Variants in TTC21A observed in about 807,000 individuals in gnomAD.
TTC21A encodes the protein tetratricopeptide repeat domain 21A, also known as tetratricopeptide repeat protein 21A.
Under a neutral mutation model 156.4 loss-of-function variants are expected in TTC21A, and 128 were observed. The observed-to-expected ratio is 0.82, with a 90% confidence interval of 0.71 to 0.95. The LOEUF is 0.95. Ranked by LOEUF, TTC21A falls within the 40% of genes least tolerant of loss-of-function variation. TTC21A has a pLI of 0.00. For missense variants in TTC21A, 1,435 were observed against 1,602.3 expected, an observed-to-expected ratio of 0.90 and a Z score of 1.78; for synonymous variants, 587 against 617.1, an observed-to-expected ratio of 0.95 and a Z score of 0.72.
chr3:39,130,118 G>T lies in TTC21A; in HGVS notation c.2175G>T (p.Leu725=). 1 of 1,614,146 alleles carries T rather than the reference G, an allele frequency of 6.2e-7. No homozygotes were observed. Among genetic ancestry groups the T allele is most frequent in the Non-Finnish European group, 8.5e-7 (1 of 1,180,032 alleles). ...CEHLPGPHTS[L]LLGDALMSIL... Reference sequence around the variant, plus strand: ...ATCTGCCTGGCCCCCACACCAGCCTGCTACTGGGCGATGCCTTAATGAGCA... The same window carrying T: ...ATCTGCCTGGCCCCCACACCAGCCTTCTACTGGGCGATGCCTTAATGAGCA... Residue 725 remains leucine, a synonymous_variant, in exon 16 of 29, where the codon CTG becomes CTT. Transcript: ENST00000683103. This position sits in a 1 kb window ranked among gnomAD's most constrained non-coding sequence, Gnocchi z 4.5.
At chr3:39,120,626 C>G (rs1447322091) in intron 8 of TTC21A, among the ~76,000 whole-genome samples, 1 of 152,258 alleles carries the variant, frequency 6.6e-6, no homozygotes, top group Non-Finnish European at 1.5e-5. Flanking sequence ...TTCTCTCTGC[C>G]TTGTTCTCCA....
chr3:39,111,920 G>T (rs1022095711), intron 4 of TTC21A, among the ~76,000 whole-genome samples: 5 of 152,184 alleles, frequency 3.3e-5, no homozygotes, highest in Non-Finnish European at 5.9e-5. Context: ...TCTGCCTGGA[G>T]AGGCTGGGTG....
At chr3:39,114,844 A>G in intron 6 of TTC21A, 102 bp downstream of exon 6, 10 of 1,408,476 alleles carry the variant, frequency 7.1e-6, no homozygotes, top group Non-Finnish European at 9.8e-6. Flanking sequence ...AATATCGCCC[A>G]TAGAGGAACT....
rs79015599 is a variant in TTC21A at position 39,135,169 on chromosome 3, C to T, written c.2939C>T (p.Ala980Val). 9.3e-3 allele frequency: 15,066 copies of T among 1,613,898 alleles called. 95 individuals are homozygous for T. The highest frequency in any genetic ancestry group is 0.011 in the Non-Finnish European group (13,237 of 1,179,820). Reference sequence around the variant, plus strand: ...CTTTACCACCAAGTCTTGGAGAAAGCGCCAGGTAATTCTGCCCATGGAGAC... The same window carrying T: ...CTTTACCACCAAGTCTTGGAGAAAGTGCCAGGTAATTCTGCCCATGGAGAC... ...INLYHQVLEK[A>V]PDNFLVLHKL... is the part of the protein sequence containing the mutation. Residue 980 changes from alanine (A) to valine (V), a missense_variant, in exon 22 of 29, where the codon GCG becomes GTG. Transcript: ENST00000683103.
intron 19 of TTC21A, among the ~76,000 whole-genome samples, chr3:39,132,067 T>G (rs1358112669): frequency 6.6e-6 from 1 of 152,178 alleles, no homozygotes; most frequent in Non-Finnish European, 1.5e-5. Flanking sequence ...CTAGGCTATC[T>G]AGTGTAGCCT....
chr3:39,120,056 T>G, intron 8 of TTC21A, 36 bp downstream of exon 8: 1 of 1,437,856 alleles, frequency 7.0e-7, no homozygotes, highest in Non-Finnish European at 9.8e-7. Context: ...AAATGGTGCT[T>G]CTCCCTGCTT....
rs2038489795 is a variant in TTC21A, at chr3:39,128,901, T to G, written c.1865T>G (p.Leu622Arg). The change falls in exon 14 of 29, where the codon CTG becomes CGG. Residue 622 changes from leucine to arginine, a missense_variant. Physicochemically the swap from Leu to Arg is moderately radical, Grantham distance 102 (BLOSUM62 -2). Coordinates refer to ENST00000683103, the MANE Select transcript of TTC21A (RefSeq NM_001366900.1). ...PSQRASILLE[L>R]VEALRLNGEL... ...CAGCGGGCATCCATCTTATTGGAAC[T>G]GGTGGAGGCCCTCCGGCTGAATGGG... 1 of 1,614,080 alleles carries G rather than the reference T, an allele frequency of 6.2e-7. No homozygotes were observed. The highest frequency in any genetic ancestry group is 8.5e-7 in the Non-Finnish European group (1 of 1,180,038).
chr3:39,128,666 A>T (rs747641401), intron 13 of TTC21A, 51 bp from the exon 14 acceptor site: 1 of 1,591,496 alleles, frequency 6.3e-7, no homozygotes, highest in Non-Finnish European at 8.6e-7. Context: ...TGTGAGCAGC[A>T]GCAGTAGCAG....
rs1474266909 is a variant in TTC21A at position 39,137,227 on chromosome 3, G to A, written c.3290G>A (p.Gly1097Asp). ...YMEKKELEQQ[G>D]VSTAEKLLRE... ...GAGAAGAAGGAGTTGGAGCAGCAGG[G>A]TGTGAGCACCGCCGAGAAACTGCTG... The change falls in exon 25 of 29, where the codon GGT becomes GAT. Residue 1097 changes from glycine (G) to aspartate (D), a missense_variant. Coordinates refer to ENST00000683103, the MANE Select transcript of TTC21A (RefSeq NM_001366900.1). 2 of 1,614,062 alleles carry A rather than the reference G, an allele frequency of 1.2e-6. No individual in the cohort carries two copies. Among genetic ancestry groups the A allele is most frequent in the Non-Finnish European group, 8.5e-7 (1 of 1,179,966 alleles).
chr3:39,126,580 T>TACTAC lies in TTC21A; in HGVS notation c.1522+193_1522+197dup, dbSNP rs771076193. Among the ~76,000 whole-genome samples the TACTAC allele has an allele frequency of 5.4e-4, 75 of 137,772 alleles. 1 individual carries two copies. The highest frequency in any genetic ancestry group is 3.8e-3 in the Middle Eastern group (1 of 260). 90.4% of individuals were successfully genotyped at this position (137,772 alleles called of 152,430 possible). The stretch of plus-strand genomic sequence containing the variant: ...ACACATGCATGCTCCTTGCCTGGGG[T>TACTAC]ACTACACACACACACACACACATGC... On this transcript the variant is annotated intron_variant, in intron 12 of 28. Coordinates refer to ENST00000683103, the MANE Select transcript of TTC21A (RefSeq NM_001366900.1).
chr3:39,131,202 A>G, intron 19 of TTC21A, 107 bp downstream of exon 19: 2 of 825,402 alleles, frequency 2.4e-6, no homozygotes, highest in Non-Finnish European at 1.9e-6. Context: ...CCTCTTCCTT[A>G]AAAAAGGACC....
rs775685212 is a variant in TTC21A at position 39,110,984 on chromosome 3, C to T, written c.402C>T (p.Asp134=). Residue 134 remains aspartate, a synonymous_variant, in exon 4 of 29, where the codon GAC becomes GAT. Transcript: ENST00000683103. ...GRHDKAKEYI[D]RMLKISRGFR... is the part of the protein sequence containing the mutation. Reference sequence around the variant, plus strand: ...ATGACAAGGCCAAAGAGTACATTGACCGCATGCTGAAGATTTCTAGAGGCT... The same window carrying T: ...ATGACAAGGCCAAAGAGTACATTGATCGCATGCTGAAGATTTCTAGAGGCT... 6.2e-7 allele frequency: 1 copy of T among 1,612,690 alleles called. No homozygotes were observed. Among genetic ancestry groups the T allele is most frequent in the Admixed American group, 1.7e-5 (1 of 59,830 alleles).
chr3:39,133,969 C>G (rs1220747730), intron 20 of TTC21A, among the ~76,000 whole-genome samples: 3 of 152,148 alleles, frequency 2.0e-5, no homozygotes, highest in Non-Finnish European at 4.4e-5. Context: ...GCAGTGAGGC[C>G]AGAGGTGAAG....
chr3:39,130,054 A>G lies in TTC21A; in HGVS notation c.2136-25A>G. ...ATGAGGTGTGTGCGAACCTGGGATA[A>G]GCTTTTGGTTACTCTTGCTTGCAGT... is the stretch of plus-strand genomic sequence containing the variant. On this transcript the variant is annotated intron_variant, in intron 15 of 28. Transcript: ENST00000683103. The surrounding 1 kb of genome is among the most constrained non-coding windows in gnomAD (Gnocchi z 4.5). 1 of 1,613,388 alleles carries G rather than the reference A, an allele frequency of 6.2e-7. No individual in the cohort carries two copies. Among genetic ancestry groups the G allele is most frequent in the Non-Finnish European group, 8.5e-7 (1 of 1,179,680 alleles).
intron 19 of TTC21A, among the ~76,000 whole-genome samples, chr3:39,132,535 G>A (rs2038807147): frequency 6.6e-6 from 1 of 152,084 alleles, no homozygotes; most frequent in Admixed American, 6.5e-5. Flanking sequence ...CCTCTTTTTG[G>A]CCCTCGGGGA....
rs1042978162 is a variant in TTC21A at position 39,130,440 on chromosome 3, C to G, written c.2319+82C>G. ...GAGGACGGTACATGACTGGGGAGCT[C>G]TGGGTGGGAGGAGAGTGGCTGACTT... On this transcript the variant is annotated intron_variant, in intron 17 of 28. Transcript: ENST00000683103. The surrounding 1 kb of genome is among the most constrained non-coding windows in gnomAD (Gnocchi z 4.5). 4 of 1,211,730 alleles carry G rather than the reference C, an allele frequency of 3.3e-6. No individual in the cohort carries two copies. In the South Asian group the frequency reaches 4.3e-5, roughly 13 times the overall value. 75.1% of individuals were successfully genotyped at this position (1,211,730 alleles called of 1,614,324 possible). A position where few individuals can be genotyped will look rare whatever the true frequency, so the allele number is the denominator to read the frequency against.
At chr3:39,109,661 C>CA (rs1267689048) in intron 2 of TTC21A, among the ~76,000 whole-genome samples, 1 of 152,174 alleles carries the variant, frequency 6.6e-6, no homozygotes, top group Non-Finnish European at 1.5e-5. Flanking sequence ...CAGAATAGCC[C>CA]ATGGCCAAAT....
rs758644942 is a variant in TTC21A at position 39,128,807 on chromosome 3, G to A, written c.1771G>A (p.Val591Ile). 13 of 1,614,044 alleles carry A rather than the reference G, an allele frequency of 8.1e-6. No individual in the cohort carries two copies. Among genetic ancestry groups the A allele is most frequent in the Non-Finnish European group, 9.3e-6 (11 of 1,180,038 alleles). Residue 591 changes from valine to isoleucine, a missense_variant, in exon 14 of 29, where the codon GTC (valine) becomes ATC (isoleucine). Physicochemically the swap from Val to Ile is conservative, Grantham distance 29 (BLOSUM62 3). Coordinates refer to ENST00000683103, the MANE Select transcript of TTC21A (RefSeq NM_001366900.1). Reference sequence around the variant, plus strand: ...AGAGGCCATAAAGACGCTGAAAATGGTCATCAAATTGCCAGCTCTGAAGAA... The same window carrying A: ...AGAGGCCATAAAGACGCTGAAAATGATCATCAAATTGCCAGCTCTGAAGAA... ...YPEAIKTLKM[V>I]IKLPALKKEE... is the part of the protein sequence containing the mutation.
At chr3:39,132,147 G>A (rs2038773907) in intron 19 of TTC21A, among the ~76,000 whole-genome samples, 1 of 152,068 alleles carries the variant, frequency 6.6e-6, no homozygotes, top group African/African-American at 2.4e-5. Flanking sequence ...GTAGCATCAT[G>A]GTAAGTATTT....
Sources: gnomAD v4.1 joint callset for allele counts (sites outside exome capture counted in the v4.1 genomes callset) on GRCh38, gnomAD v4.1.1 for gene constraint, Gnocchi (gnomAD v3.1) non-coding constraint, MANE v1.5 for transcripts, NCBI Gene and HGNC (gene_info 2026-07-23, HGNC 2026-07-21) for gene names.